NTNG1: variants seen among roughly 807,000 people sequenced by gnomAD.
NTNG1 encodes netrin G1.
A neutral mutation model predicts 54.0 loss-of-function variants in NTNG1; 16 were observed. The ratio of observed to expected loss-of-function variants is 0.30; its 90% CI spans 0.20 to 0.45. NTNG1 has a LOEUF of 0.45. Among genes scored for constraint, NTNG1 ranks in the 20% least tolerant of loss-of-function variants. The pLI, the probability that NTNG1 is intolerant of heterozygous loss-of-function variation, is 1.00. For synonymous variants in NTNG1, 255 were observed against 263.1 expected, an observed-to-expected ratio of 0.97 and a Z score of 0.30; for missense variants, 530 against 678.7, an observed-to-expected ratio of 0.78 and a Z score of 2.43.
At chr1:107,201,745 C>CTA (rs1658773206) in intron 2 of NTNG1, among the ~76,000 whole-genome samples, 1 of 151,862 alleles carries the variant, frequency 6.6e-6, no homozygotes, top group Non-Finnish European at 1.5e-5. Flanking sequence ...TAACATGTAA[C>CTA]CTGTTAAAAT....
chr1:107,310,117 G>A (rs367821553), intron 2 of NTNG1, among the ~76,000 whole-genome samples: 15 of 152,130 alleles, frequency 9.9e-5, no homozygotes, highest in African/African-American at 2.7e-4. Flanking sequence ...TCAAAAAAGA[G>A]AATGTGGTTC....
chr1:107,320,501 T>C (rs1240633243), intron 2 of NTNG1, among the ~76,000 whole-genome samples: 1 of 152,010 alleles, frequency 6.6e-6, no homozygotes, highest in Non-Finnish European at 1.5e-5. Flanking sequence ...ATTAATCTAA[T>C]CCCTTTAACA....
At chr1:107,313,056 T>C (rs1667119025) in intron 2 of NTNG1, among the ~76,000 whole-genome samples, 1 of 152,168 alleles carries the variant, frequency 6.6e-6, no homozygotes, top group East Asian at 1.9e-4. Context: ...ATCTTCAGAC[T>C]CCTGACCAGT....
intron 2 of NTNG1, among the ~76,000 whole-genome samples, chr1:107,222,799 CT>C (rs113401472): frequency 0.035 from 3,782 of 109,056 alleles, 65 homozygotes; most frequent in East Asian, 0.17. Flanking sequence ...ACCAGTGCTG[CT>C]TTTTTTTTTT....
chr1:107,254,799 T>C (rs1028801090), intron 2 of NTNG1, among the ~76,000 whole-genome samples: 2 of 152,212 alleles, frequency 1.3e-5, no homozygotes, highest in African/African-American at 4.8e-5. Context: ...AAAAATACAT[T>C]GCTTGCCCAT....
intron 2 of NTNG1, among the ~76,000 whole-genome samples, chr1:107,291,596 A>G (rs957458703): frequency 2.6e-5 from 4 of 152,234 alleles, no homozygotes; most frequent in African/African-American, 7.2e-5. Flanking sequence ...TTCAAAAAAT[A>G]TTGCTGATTT....
chr1:107,269,157 T>C (rs1378495621), intron 2 of NTNG1, among the ~76,000 whole-genome samples: 2 of 152,184 alleles, frequency 1.3e-5, no homozygotes, highest in Admixed American at 1.3e-4. Flanking sequence ...GTCCTACGAA[T>C]CTCCTCCTTG....
chr1:107,203,738 T>C (rs1210873418), intron 2 of NTNG1, among the ~76,000 whole-genome samples: 2 of 151,642 alleles, frequency 1.3e-5, no homozygotes, highest in African/African-American at 4.8e-5. Context: ...TGGAATTTTT[T>C]ATCTATTCCC....
intron 2 of NTNG1, among the ~76,000 whole-genome samples, chr1:107,223,056 C>G (rs12084774): frequency 0.045 from 6,882 of 152,010 alleles, 445 homozygotes; most frequent in African/African-American, 0.15. Flanking sequence ...AAGGGGCATG[C>G]TTCTGGGTTT....
chr1:107,438,210 A>G (rs1675731806), intron 7 of NTNG1, among the ~76,000 whole-genome samples: 1 of 152,176 alleles, frequency 6.6e-6, no homozygotes, highest in South Asian at 2.1e-4. Context: ...AGCTCTGGCA[A>G]TAGGTTGAAA....
chr1:107,428,213 T>C (rs894048483), intron 5 of NTNG1, among the ~76,000 whole-genome samples: 1 of 152,082 alleles, frequency 6.6e-6, no homozygotes, highest in Non-Finnish European at 1.5e-5. Flanking sequence ...CATTCCCTCC[T>C]ATTTTGTTTT....
chr1:107,220,539 G>T (rs1660271197), intron 2 of NTNG1, among the ~76,000 whole-genome samples: 1 of 152,226 alleles, frequency 6.6e-6, no homozygotes, highest in Admixed American at 6.5e-5. Flanking sequence ...ATGGCATAGA[G>T]GTTAAGAGAA....
intron 2 of NTNG1, among the ~76,000 whole-genome samples, chr1:107,255,344 A>T (rs947187750): frequency 2.0e-5 from 3 of 152,178 alleles, no homozygotes; most frequent in Admixed American, 6.5e-5. Flanking sequence ...TCATTGCCCA[A>T]AGGAGAAGCA....
chr1:107,169,443 C>A (rs1656054532), intron 2 of NTNG1, among the ~76,000 whole-genome samples: 1 of 151,936 alleles, frequency 6.6e-6, no homozygotes, highest in Admixed American at 6.6e-5. Context: ...TACATTAGAT[C>A]CACTTAGTAA....
At chr1:107,268,422 C>T (rs1293664135) in intron 2 of NTNG1, among the ~76,000 whole-genome samples, 1 of 152,018 alleles carries the variant, frequency 6.6e-6, no homozygotes, top group Non-Finnish European at 1.5e-5. Context: ...TTGGTTACTC[C>T]TCACTTCTTG....
At chr1:107,457,737 T>C (rs1677039778) in intron 7 of NTNG1, among the ~76,000 whole-genome samples, 1 of 152,180 alleles carries the variant, frequency 6.6e-6, no homozygotes, top group Non-Finnish European at 1.5e-5. Context: ...AAATTATTTA[T>C]GCCAGTAGAC....
intron 7 of NTNG1, among the ~76,000 whole-genome samples, chr1:107,478,849 G>C (rs1678507309): frequency 6.6e-6 from 1 of 152,184 alleles, no homozygotes; most frequent in Non-Finnish European, 1.5e-5. Flanking sequence ...CAAAAAACAA[G>C]AGCTTTTGTC....
chr1:107,322,347 G>A (rs1055551690), intron 2 of NTNG1, among the ~76,000 whole-genome samples: 3 of 152,134 alleles, frequency 2.0e-5, no homozygotes, highest in Non-Finnish European at 4.4e-5. Context: ...CTTTTTTCAG[G>A]AGGAAGATGG....
intron 2 of NTNG1, among the ~76,000 whole-genome samples, chr1:107,150,840 G>A (rs1654515450): frequency 1.3e-5 from 2 of 152,164 alleles, no homozygotes; most frequent in East Asian, 3.9e-4. Context: ...ATGGTCTAAG[G>A]TATTTAAACA....
Sources: gnomAD v4.1 joint callset for allele counts (sites outside exome capture counted in the v4.1 genomes callset) on GRCh38, gnomAD v4.1.1 for gene constraint, MANE v1.5 for transcripts, NCBI Gene and HGNC (gene_info 2026-07-23, HGNC 2026-07-21) for gene names.